The following UMAD1 variants were observed in gnomAD, a reference collection of about 807,000 sequenced individuals.
UMAD1 encodes the protein UBAP1-MVB12-associated (UMA)-domain containing protein 1.
Under a neutral mutation model 6.1 loss-of-function variants are expected in UMAD1, and 8 were observed. That is an observed-to-expected ratio of 1.30 (90% CI 0.76 to 2.35). The LOEUF (loss-of-function observed/expected upper bound fraction) is 2.35, where lower values mean the gene tolerates loss of function less well. UMAD1 is among the 30% of genes most tolerant of loss of function. The probability of loss-of-function intolerance (pLI) is 0.00; values close to 1 mark genes in which losing one functional copy is unlikely to be tolerated. For synonymous variants in UMAD1, 56 were observed against 31.4 expected, an observed-to-expected ratio of 1.78 and a Z score of -2.61; for missense variants, 130 against 78.4, an observed-to-expected ratio of 1.66 and a Z score of -2.49.
intron 2 of UMAD1, among the ~76,000 whole-genome samples, chr7:7,734,872 T>G (rs772323281): frequency 6.6e-6 from 1 of 152,210 alleles, no homozygotes; most frequent in Non-Finnish European, 1.5e-5. Flanking sequence ...TAACAATGCT[T>G]TGCAATTTCC....
chr7:7,759,548 G>A (rs559699070), intron 2 of UMAD1, among the ~76,000 whole-genome samples: 7 of 152,062 alleles, frequency 4.6e-5, no homozygotes, highest in African/African-American at 1.4e-4. Flanking sequence ...TTTTTGCTTC[G>A]TACATAAATG....
chr7:7,816,831 C>T (rs535109753), intron 3 of UMAD1, among the ~76,000 whole-genome samples: 3 of 152,336 alleles, frequency 2.0e-5, no homozygotes, highest in East Asian at 3.9e-4. Context: ...TTATCTTTCA[C>T]ATGGATTATT....
intron 2 of UMAD1, among the ~76,000 whole-genome samples, chr7:7,745,637 C>G (rs780912741): frequency 1.3e-5 from 2 of 152,194 alleles, no homozygotes; most frequent in African/African-American, 2.4e-5. Context: ...AGGAAAATCA[C>G]TGTCTTTATA....
intron 3 of UMAD1, among the ~76,000 whole-genome samples, chr7:7,847,104 AATATATATATATAT>A (rs1170307529): frequency 4.5e-4 from 3 of 6,620 alleles, no homozygotes; most frequent in East Asian, 6.0e-3. Context: ...AAAAAAAAAA[AATATATATATATAT>A]ATATATATAT....
intron 2 of UMAD1, among the ~76,000 whole-genome samples, chr7:7,675,026 T>A (rs28610088): frequency 2.4e-4 from 36 of 152,150 alleles, no homozygotes; most frequent in South Asian, 6.2e-4. Context: ...AAATTTTTTT[T>A]AAAATTATTT....
intron 2 of UMAD1, among the ~76,000 whole-genome samples, chr7:7,761,932 C>G (rs562890389): frequency 1.3e-5 from 2 of 152,136 alleles, no homozygotes; most frequent in African/African-American, 4.8e-5. Flanking sequence ...AGTTTCCATT[C>G]TTGTGCTTTT....
At position 7,877,490 on chromosome 7, in the gene UMAD1, G is replaced by A. The variant is rs377278418; in HGVS notation, c.366G>A (p.Arg122=). Residue 122 remains arginine, a synonymous_variant, in exon 4 of 4, where the codon CGG becomes CGA. Transcript: ENST00000682710. ...LSYDGSENLS[R]FWYDFTLENS... The stretch of plus-strand genomic sequence containing the variant: ...ATGATGGCAGCGAAAACTTATCACG[G>A]TTTTGGTATGATTTCACTCTTGAAA... The A allele has an allele frequency of 1.4e-6, 1 of 717,442 alleles. No homozygotes were observed. The highest frequency in any genetic ancestry group is 1.5e-5 in the South Asian group (1 of 67,596). The allele number at this position is 717,442 out of a possible 1,614,324, so 44.4% of individuals were successfully genotyped here. A position where few individuals can be genotyped will look rare whatever the true frequency, so the allele number is the denominator to read the frequency against.
At chr7:7,780,260 G>C (rs1782316863) in intron 2 of UMAD1, among the ~76,000 whole-genome samples, 2 of 152,080 alleles carry the variant, frequency 1.3e-5, no homozygotes, top group Admixed American at 1.3e-4. Context: ...ATTCCTATGA[G>C]AGACCATAGG....
intron 2 of UMAD1, among the ~76,000 whole-genome samples, chr7:7,788,536 T>C (rs905742863): frequency 1.3e-5 from 2 of 152,226 alleles, no homozygotes; most frequent in African/African-American, 4.8e-5. Flanking sequence ...TATTTTGGAA[T>C]TCCTGAGGTC....
intron 2 of UMAD1, among the ~76,000 whole-genome samples, chr7:7,726,735 G>A (rs7778689): frequency 0.031 from 4,762 of 152,248 alleles, 250 homozygotes; most frequent in African/African-American, 0.11. Flanking sequence ...AATGCTGCCA[G>A]GAGACACAAC....
intron 2 of UMAD1, among the ~76,000 whole-genome samples, chr7:7,674,062 G>C (rs1192997670): frequency 6.6e-6 from 1 of 152,090 alleles, no homozygotes; most frequent in Non-Finnish European, 1.5e-5. Context: ...GAAAAGTTTT[G>C]CACAACATCT....
At chr7:7,695,136 A>C (rs1456524048) in intron 2 of UMAD1, among the ~76,000 whole-genome samples, 1 of 152,208 alleles carries the variant, frequency 6.6e-6, no homozygotes, top group East Asian at 1.9e-4. Context: ...TCTGATGATC[A>C]GTAATGTTGA....
intron 2 of UMAD1, among the ~76,000 whole-genome samples, chr7:7,755,268 C>G (rs955963012): frequency 6.6e-6 from 1 of 152,064 alleles, no homozygotes; most frequent in Non-Finnish European, 1.5e-5. Context: ...TTTATTTTAC[C>G]ACCACCAGTT....
At chr7:7,748,501 T>C (rs951590068) in intron 2 of UMAD1, among the ~76,000 whole-genome samples, 1 of 152,074 alleles carries the variant, frequency 6.6e-6, no homozygotes, top group Non-Finnish European at 1.5e-5. Context: ...CAATGTCTCA[T>C]TGTTAGAGCT....
intron 2 of UMAD1, among the ~76,000 whole-genome samples, chr7:7,675,797 A>G (rs763884063): frequency 1.1e-4 from 17 of 152,182 alleles, no homozygotes; most frequent in Admixed American, 2.0e-4. Context: ...TTTAATTTGC[A>G]GTGCAGCTGG....
intron 2 of UMAD1, among the ~76,000 whole-genome samples, chr7:7,695,991 T>G (rs902132437): frequency 6.6e-6 from 1 of 151,626 alleles, no homozygotes; most frequent in African/African-American, 2.4e-5. Flanking sequence ...GTTTTTTTTT[T>G]TTTTTTCTGA....
chr7:7,650,347 A>T (rs1393263806), intron 1 of UMAD1, among the ~76,000 whole-genome samples: 1 of 152,154 alleles, frequency 6.6e-6, no homozygotes, highest in East Asian at 1.9e-4. Flanking sequence ...TGTTTATTTC[A>T]TTCGAGTTCT....
intron 1 of UMAD1, among the ~76,000 whole-genome samples, chr7:7,660,514 C>T (rs1785448087): frequency 6.6e-6 from 1 of 152,194 alleles, no homozygotes; most frequent in African/African-American, 2.4e-5. Flanking sequence ...CAAAATCTCT[C>T]AGCATTTGCT....
chr7:7,868,175 G>A (rs10244478), intron 3 of UMAD1, among the ~76,000 whole-genome samples: 1 of 152,070 alleles, frequency 6.6e-6, no homozygotes, highest in East Asian at 1.9e-4. Context: ...TTTCTATAAA[G>A]CAACTTTAAA....
Sources: gnomAD v4.1 joint callset for allele counts (sites outside exome capture counted in the v4.1 genomes callset) on GRCh38, gnomAD v4.1.1 for gene constraint, MANE v1.5 for transcripts, NCBI Gene and HGNC (gene_info 2026-07-23, HGNC 2026-07-21) for gene names.